B3GNT5: variants seen among roughly 807,000 people sequenced by gnomAD.
B3GNT5 encodes lactosylceramide 1,3-N-acetyl-beta-D-glucosaminyltransferase.
Under a neutral mutation model 25.9 loss-of-function variants are expected in B3GNT5, and 11 were observed. That is an observed-to-expected ratio of 0.42 (90% CI 0.27 to 0.70). B3GNT5 has a LOEUF of 0.70. B3GNT5 is among the 30% of genes least tolerant of loss of function. B3GNT5 has a pLI of 0.23. For synonymous variants in B3GNT5, 166 were observed against 158.6 expected, an observed-to-expected ratio of 1.05 and a Z score of -0.35; for missense variants, 385 against 458.4, an observed-to-expected ratio of 0.84 and a Z score of 1.46.
At chr3:183,258,059 C>T (rs1040949620) in intron 1 of B3GNT5, among the ~76,000 whole-genome samples, 2 of 150,526 alleles carry the variant, frequency 1.3e-5, no homozygotes, top group Non-Finnish European at 2.9e-5. Flanking sequence ...CCTCCGCCTC[C>T]TGGGTTCAAG....
At chr3:183,257,692 C>T (rs967784196) in intron 1 of B3GNT5, among the ~76,000 whole-genome samples, 13 of 152,168 alleles carry the variant, frequency 8.5e-5, no homozygotes, top group East Asian at 1.9e-4. Flanking sequence ...CAGAATGGGA[C>T]GTAGGAACTG....
intron 1 of B3GNT5, chr3:183,254,477 A>C (rs1724842126): frequency 1.3e-5 from 2 of 152,122 alleles, no homozygotes; most frequent in South Asian, 4.1e-4. Flanking sequence ...GCTGGGACCC[A>C]GGCCGGGCCG....
In B3GNT5 at chr3:183,271,112, C is replaced by T. The variant is rs1020428359; in HGVS notation, c.*177C>T. The T allele has an allele frequency of 3.8e-6, 2 of 522,352 alleles. No homozygotes were observed. 32.4% of individuals were successfully genotyped at this position (522,352 alleles called of 1,614,324 possible). On this transcript the variant is annotated 3_prime_UTR_variant, in exon 2 of 2. Coordinates refer to ENST00000326505, the MANE Select transcript of B3GNT5 (RefSeq NM_032047.5). ...GCTGTTTAATATCACTTATCTACTT[C>T]ATTGCCTAAGTTCATTTCAAAGAAT...
intron 1 of B3GNT5, among the ~76,000 whole-genome samples, chr3:183,269,058 C>CTGTG (rs1443107449): frequency 2.0e-5 from 3 of 151,960 alleles, no homozygotes; most frequent in African/African-American, 7.3e-5. Flanking sequence ...CCTGCCTTGT[C>CTGTG]TGGGGCAAGC....
At chr3:183,257,958 C>CTTTTTTTTTTTTTTTTTTTT (rs35323502) in intron 1 of B3GNT5, among the ~76,000 whole-genome samples, 1 of 64,724 alleles carries the variant, frequency 1.5e-5, no homozygotes, top group African/African-American at 6.9e-5. Context: ...CCACTTCACC[C>CTTTTTTTTTTTTTTTTTTTT]TTTTTTTTTT....
chr3:183,262,056 G>A (rs1725643524), intron 1 of B3GNT5, among the ~76,000 whole-genome samples: 2 of 142,430 alleles, frequency 1.4e-5, no homozygotes, highest in Non-Finnish European at 3.0e-5. Context: ...AAGGAATGAG[G>A]AATGCATATA....
intron 1 of B3GNT5, among the ~76,000 whole-genome samples, chr3:183,263,124 G>A (rs1309164559): frequency 6.6e-6 from 1 of 152,126 alleles, no homozygotes; most frequent in Non-Finnish European, 1.5e-5. Flanking sequence ...GGAATTTGAG[G>A]TCTCAGAAGA....
Position 183,269,707 on chromosome 3 carries a change from A to T in B3GNT5, c.-92A>T. 8.8e-7 allele frequency: 1 copy of T among 1,141,136 alleles called. No individual in the cohort carries two copies. Among genetic ancestry groups the T allele is most frequent in the Non-Finnish European group, 1.3e-6 (1 of 798,546 alleles). 70.7% of individuals were successfully genotyped at this position (1,141,136 alleles called of 1,614,324 possible). On this transcript the variant is annotated 5_prime_UTR_variant, in exon 2 of 2. Transcript: ENST00000326505. Reference sequence around the variant, plus strand: ...TAATGACCAACATGTATTAAGATGGACACCTACTCTACGAAACACGAAGTT... The same window carrying T: ...TAATGACCAACATGTATTAAGATGGTCACCTACTCTACGAAACACGAAGTT...
At chr3:183,256,204 G>A (rs1473344278) in intron 1 of B3GNT5, among the ~76,000 whole-genome samples, 1 of 152,140 alleles carries the variant, frequency 6.6e-6, no homozygotes, top group Non-Finnish European at 1.5e-5. Context: ...GAATAACCTT[G>A]TAAGGAGAGG....
chr3:183,266,370 C>G (rs1576996239), intron 1 of B3GNT5, among the ~76,000 whole-genome samples: 1 of 152,208 alleles, frequency 6.6e-6, no homozygotes, highest in Non-Finnish European at 1.5e-5. Flanking sequence ...CCTCTTTGTT[C>G]CCTTCCCAGG....
At chr3:183,259,259 T>C (rs75424394) in intron 1 of B3GNT5, among the ~76,000 whole-genome samples, 2,466 of 152,320 alleles carry the variant, frequency 0.016, 161 homozygotes, top group Admixed American at 0.1. Flanking sequence ...GTTGTTCTTC[T>C]AGTGACTCAA....
At chr3:183,264,213 C>A (rs185803081) in intron 1 of B3GNT5, among the ~76,000 whole-genome samples, 2 of 152,206 alleles carry the variant, frequency 1.3e-5, no homozygotes, top group African/African-American at 4.8e-5. Context: ...GCTTTCAAAT[C>A]TTCTATCTGC....
intron 1 of B3GNT5, among the ~76,000 whole-genome samples, chr3:183,260,587 A>G (rs1725491469): frequency 6.6e-6 from 1 of 152,204 alleles, no homozygotes; most frequent in South Asian, 2.1e-4. Context: ...AGAATAATCT[A>G]TAATCCCATG....
rs917253420 is a variant in B3GNT5, at chr3:183,267,744, G to A, written c.-301-1754G>A. Among the ~76,000 whole-genome samples, 2 of 152,212 alleles carry A rather than the reference G, an allele frequency of 1.3e-5. No individual in the cohort carries two copies. Among genetic ancestry groups the A allele is most frequent in the Non-Finnish European group, 2.9e-5 (2 of 68,028 alleles). Reference sequence around the variant, plus strand: ...GGGACAGAATTCTTGAGGAAGGAGGGTGCTGCGTCCCAGTGGTGGAGGAAA... The same window carrying A: ...GGGACAGAATTCTTGAGGAAGGAGGATGCTGCGTCCCAGTGGTGGAGGAAA... On this transcript the variant is annotated intron_variant, in intron 1 of 1. Coordinates refer to ENST00000326505, the MANE Select transcript of B3GNT5 (RefSeq NM_032047.5). The surrounding 1 kb of genome is among the most constrained non-coding windows in gnomAD (Gnocchi z 5.5).
rs1726907419 is a variant in B3GNT5 at position 183,272,941 on chromosome 3, T to G, written c.*2006T>G. 20 of 1,408,282 alleles carry G rather than the reference T, an allele frequency of 1.4e-5. 1 individual carries two copies. The South Asian group carries it at 3.1e-4, about 22-fold the overall frequency. 87.2% of individuals were successfully genotyped at this position (1,408,282 alleles called of 1,614,324 possible). A position where few individuals can be genotyped will look rare whatever the true frequency, so the allele number is the denominator to read the frequency against. On this transcript the variant is annotated 3_prime_UTR_variant, in exon 2 of 2. Transcript: ENST00000326505. ...TTCTGAACTGTGTCCTTTTAATTTT[T>G]GCTTAGAATAGAATGGAACAAGTTT...
chr3:183,269,608 G>C lies in B3GNT5; in HGVS notation c.-191G>C. 1 of 555,844 alleles carries C rather than the reference G, an allele frequency of 1.8e-6. No individual in the cohort carries two copies. The highest frequency in any genetic ancestry group is 3.1e-6 in the Non-Finnish European group (1 of 324,784). The allele number at this position is 555,844 out of a possible 1,614,324, so 34.4% of individuals were successfully genotyped here. The stretch of plus-strand genomic sequence containing the variant: ...TGCCAGTGTCCTCGTTCTACAGGGT[G>C]TTCCATTCTTCCGCAATCTCAGAAA... On this transcript the variant is annotated 5_prime_UTR_variant, in exon 2 of 2. Coordinates refer to ENST00000326505, the MANE Select transcript of B3GNT5 (RefSeq NM_032047.5).
chr3:183,257,477 T>C (rs1372077792), intron 1 of B3GNT5, among the ~76,000 whole-genome samples: 1 of 152,248 alleles, frequency 6.6e-6, no homozygotes, highest in Non-Finnish European at 1.5e-5. Flanking sequence ...ATTAGTTAAA[T>C]ATACGTATTA....
intron 1 of B3GNT5, among the ~76,000 whole-genome samples, chr3:183,257,291 C>T (rs1725131841): frequency 6.6e-6 from 1 of 152,148 alleles, no homozygotes; most frequent in Non-Finnish European, 1.5e-5. Flanking sequence ...GGCATTTAAA[C>T]ACTCTCGGCT....
intron 1 of B3GNT5, among the ~76,000 whole-genome samples, chr3:183,262,323 C>T (rs1195096434): frequency 6.6e-6 from 1 of 151,870 alleles, no homozygotes; most frequent in Non-Finnish European, 1.5e-5. Flanking sequence ...AATATTCAGC[C>T]CCCAGCAGGC....
Sources: gnomAD v4.1 joint callset for allele counts (sites outside exome capture counted in the v4.1 genomes callset) on GRCh38, gnomAD v4.1.1 for gene constraint, Gnocchi (gnomAD v3.1) non-coding constraint, MANE v1.5 for transcripts, NCBI Gene and HGNC (gene_info 2026-07-23, HGNC 2026-07-21) for gene names.